Variants in PFKL observed in about 807,000 individuals in gnomAD.
The protein encoded by PFKL is ATP-dependent 6-phosphofructokinase, liver type.
A neutral mutation model predicts 92.1 loss-of-function variants in PFKL; 74 were observed. The observed-to-expected ratio is 0.80, with a 90% CI of 0.67 to 0.97. The LOEUF is 0.97. Ranked by LOEUF, PFKL falls within the 50% of genes least tolerant of loss-of-function variation. PFKL has a pLI of 0.00. For missense variants in PFKL, 1,028 were observed against 1,116.6 expected (o/e 0.92, Z 1.13); for synonymous variants, 494 against 456.4 (o/e 1.08, Z -1.05).
intron 4 of PFKL, 128 bp downstream of exon 4, chr21:44,312,422 G>A: frequency 1.2e-6 from 1 of 859,760 alleles, no homozygotes; most frequent in Non-Finnish European, 1.7e-6. Context: ...GGGCTGTCTG[G>A]CCGTTGGCCG....
In PFKL at chr21:44,319,343, T is replaced by C. The variant is rs1420757259; in HGVS notation, c.1063-8T>C. 6.2e-7 allele frequency: 1 copy of C among 1,612,888 alleles called. No individual in the cohort carries two copies. The highest frequency in any genetic ancestry group is 1.1e-5 in the South Asian group (1 of 91,064). On this transcript the variant is annotated splice_region_variant and splice_polypyrimidine_tract_variant and intron_variant, in intron 10 of 21. Coordinates refer to ENST00000349048, the MANE Select transcript of PFKL (RefSeq NM_002626.6). The stretch of plus-strand genomic sequence containing the variant: ...TCCATAGTCTGTGTTCTGTTTCTCT[T>C]CCTTAAGACCAAGGAAGTGCAGAAA...
chr21:44,304,030 C>G (rs906036525), intron 1 of PFKL, among the ~76,000 whole-genome samples: 1 of 56,934 alleles, frequency 1.8e-5, no homozygotes, highest in African/African-American at 1.1e-4. Context: ...CAGCCAGTCC[C>G]GTTCTAAAAT....
In PFKL at chr21:44,319,945, C is replaced by T. The variant is rs141233820; in HGVS notation, c.1128-139C>T. 1,139 of 720,640 alleles carry T rather than the reference C, an allele frequency of 1.6e-3. 8 individuals are homozygous for T. In the African/African-American group the frequency reaches 0.017, roughly 11 times the overall value. The allele number at this position is 720,640 out of a possible 1,614,324, so 44.6% of individuals were successfully genotyped here. ...TGGAAGGTGCCCTGCCTGGCATGCG[C>T]GGTGTCTGCTGCCTCATGGCTGAGC... On this transcript the variant is annotated intron_variant, in intron 11 of 21. Coordinates refer to ENST00000349048, the MANE Select transcript of PFKL (RefSeq NM_002626.6).
At chr21:44,303,866 C>T (rs1252882463) in intron 1 of PFKL, among the ~76,000 whole-genome samples, 1 of 152,106 alleles carries the variant, frequency 6.6e-6, no homozygotes, top group African/African-American at 2.4e-5. Context: ...AGCGGCAGGC[C>T]CACTGTCCTG....
rs141233820 is a variant in PFKL at position 44,319,945 on chromosome 21, C to G, written c.1128-139C>G. The G allele has an allele frequency of 4.2e-6, 3 of 720,528 alleles. No homozygotes were observed. In the African/African-American group the frequency reaches 5.2e-5, roughly 13 times the overall value. 44.6% of individuals were successfully genotyped at this position (720,528 alleles called of 1,614,324 possible). A position where few individuals can be genotyped will look rare whatever the true frequency, so the allele number is the denominator to read the frequency against. ...TGGAAGGTGCCCTGCCTGGCATGCG[C>G]GGTGTCTGCTGCCTCATGGCTGAGC... On this transcript the variant is annotated intron_variant, in intron 11 of 21. Transcript: ENST00000349048.
intron 6 of PFKL, 99 bp from the exon 7 acceptor site, chr21:44,313,814 A>G: frequency 7.6e-7 from 1 of 1,321,718 alleles, no homozygotes; most frequent in Non-Finnish European, 1.1e-6. Context: ...GCCGGGAGAG[A>G]CAGAGAAGCT....
chr21:44,310,370 G>A (rs1464554655), intron 2 of PFKL, among the ~76,000 whole-genome samples: 1 of 152,228 alleles, frequency 6.6e-6, no homozygotes, highest in Non-Finnish European at 1.5e-5. Flanking sequence ...TGGAGCCCCT[G>A]CCTGGGGTGT....
At chr21:44,303,441 A>AAAAAAAAAAAGCCTTGATCG (rs1555874963) in intron 1 of PFKL, among the ~76,000 whole-genome samples, 1 of 97,096 alleles carries the variant, frequency 1.0e-5, no homozygotes, top group African/African-American at 5.3e-5. Flanking sequence ...ACCAAAAAAA[A>AAAAAAAAAAAGCCTTGATCG]AAAAAAAAAA....
chr21:44,308,809 G>C (rs926450779), intron 2 of PFKL, among the ~76,000 whole-genome samples: 1 of 152,052 alleles, frequency 6.6e-6, no homozygotes. Context: ...TGATCCACCC[G>C]CCTCTGCTTC....
At chr21:44,319,476 T>C (rs187400619) in intron 11 of PFKL, 61 bp downstream of exon 11, 4 of 1,377,876 alleles carry the variant, frequency 2.9e-6, no homozygotes, top group East Asian at 4.6e-5. Context: ...CCAGGCAGCA[T>C]GTGCTGCAGT....
At chr21:44,315,895 C>A in intron 7 of PFKL, 1 of 348,418 alleles carries the variant, frequency 2.9e-6, no homozygotes, top group Non-Finnish European at 5.5e-6. Context: ...AGCTGCAGCC[C>A]TGTGCGTCTT....
At chr21:44,300,897 T>A (rs2040756550) in intron 1 of PFKL, among the ~76,000 whole-genome samples, 1 of 152,138 alleles carries the variant, frequency 6.6e-6, no homozygotes, top group South Asian at 2.1e-4. Flanking sequence ...ACTGCCGGCC[T>A]CCAGTGTCTC....
chr21:44,325,745 C>T, intron 19 of PFKL: 1 of 569,580 alleles, frequency 1.8e-6, no homozygotes, highest in Non-Finnish European at 3.1e-6. Context: ...CAGCCGACTG[C>T]CGGCCTCGGG....
At chr21:44,310,970 T>C in intron 2 of PFKL, 36 bp from the exon 3 acceptor site, 1 of 1,543,714 alleles carries the variant, frequency 6.5e-7, no homozygotes. Context: ...CGCCATGGGG[T>C]CCCCTATCTC....
At chr21:44,303,698 C>G (rs928636559) in intron 1 of PFKL, among the ~76,000 whole-genome samples, 1 of 152,164 alleles carries the variant, frequency 6.6e-6, no homozygotes, top group South Asian at 2.1e-4. Context: ...ACATCCTTAG[C>G]TGATCATTAA....
rs371042308 is a variant in PFKL at position 44,323,005 on chromosome 21, C to T, written c.1453C>T (p.Arg485Cys). The change falls in exon 15 of 22, where the codon CGC (arginine) becomes TGC (cysteine). Residue 485 changes from arginine (R) to cysteine (C), a missense_variant. Transcript: ENST00000349048. ...GQLESIVENI[R>C]IYGIHALLVV... ...GCTGGAGTCCATTGTGGAGAACATCCGCATCTATGGTATTCACGCCCTGCT... is the reference window on the plus strand; with the variant it reads ...GCTGGAGTCCATTGTGGAGAACATCTGCATCTATGGTATTCACGCCCTGCT... The T allele has an allele frequency of 2.5e-5, 41 of 1,613,014 alleles. No individual in the cohort carries two copies. The highest frequency in any genetic ancestry group is 9.3e-5 in the African/African-American group (7 of 74,930).
chr21:44,316,460 C>T lies in PFKL; in HGVS notation c.872C>T (p.Thr291Ile). ...DLVVQRLGFD[T>I]RVTVLGHVQR... ...GTGGTTCAGAGGCTGGGCTTCGACA[C>T]CCGTGTAACTGTGCTGGGCCACGTG... Residue 291 changes from threonine to isoleucine, a missense_variant, in exon 9 of 22, where the codon ACC (threonine) becomes ATC (isoleucine). Thr to Ile is a moderately conservative substitution (Grantham distance 89). Coordinates refer to ENST00000349048, the MANE Select transcript of PFKL (RefSeq NM_002626.6). 1 of 1,611,732 alleles carries T rather than the reference C, an allele frequency of 6.2e-7. No homozygotes were observed.
chr21:44,306,764 A>T lies in PFKL; in HGVS notation c.159+10A>T, dbSNP rs781413630. Reference sequence around the variant, plus strand: ...CTTCCTCATCTACGAGGTAAGGCCAAGGTGGGCTGTGTGTGTGCAGGGAGT... The same window carrying T: ...CTTCCTCATCTACGAGGTAAGGCCATGGTGGGCTGTGTGTGTGCAGGGAGT... On this transcript the variant is annotated intron_variant, in intron 2 of 21. Coordinates refer to ENST00000349048, the MANE Select transcript of PFKL (RefSeq NM_002626.6). 1.9e-6 allele frequency: 3 copies of T among 1,612,666 alleles called. No individual in the cohort carries two copies. The highest frequency in any genetic ancestry group is 1.7e-5 in the Admixed American group (1 of 59,932).
In PFKL at chr21:44,301,477, T is replaced by G. The variant is rs7277792; in HGVS notation, c.85+1287T>G. 1.1e-4 allele frequency among the ~76,000 whole-genome samples: 16 copies of G among 152,134 alleles called. 1 individual carries two copies. The highest frequency in any genetic ancestry group is 3.4e-3 in the Middle Eastern group (1 of 294). ...GGGAGGGCGTTGTTCAAGGATGTCTTTTTGCACAATAACCTGTGCAAAGGT... is the reference window on the plus strand; with the variant it reads ...GGGAGGGCGTTGTTCAAGGATGTCTGTTTGCACAATAACCTGTGCAAAGGT... On this transcript the variant is annotated intron_variant, in intron 1 of 21. Transcript: ENST00000349048.
Sources: allele counts gnomAD v4.1 joint callset (sites outside exome capture counted in the v4.1 genomes callset), GRCh38; gene constraint gnomAD v4.1.1; transcripts MANE v1.5; gene names NCBI Gene and HGNC (gene_info 2026-07-23, HGNC 2026-07-21).